The following MDN1 variants were observed in gnomAD, a reference collection of about 807,000 sequenced individuals.
The protein encoded by MDN1 is midasin.
In MDN1, 266 loss-of-function variants were observed where a neutral mutation model predicts 669.2. The observed-to-expected ratio is 0.40, with a 90% CI of 0.36 to 0.44. The LOEUF (loss-of-function observed/expected upper bound fraction) is 0.44. MDN1 is among the 20% of genes least tolerant of loss of function. The pLI, the probability that MDN1 is intolerant of heterozygous loss-of-function variation, is 1.00. For synonymous variants in MDN1, 2,385 were observed against 2,457.1 expected (o/e 0.97, Z 0.87); for missense variants, 5,940 against 6,754.0 (o/e 0.88, Z 4.22).
chr6:89,696,783 T>C (rs1312261104), intron 59 of MDN1, among the ~76,000 whole-genome samples: 1 of 152,114 alleles, frequency 6.6e-6, no homozygotes, highest in African/African-American at 2.4e-5. Flanking sequence ...AATGGATGCT[T>C]TAGTAATGCA....
intron 10 of MDN1, 36 bp from the exon 11 acceptor site, chr6:89,780,329 A>G (rs780409829): frequency 7.2e-7 from 1 of 1,395,412 alleles, no homozygotes; most frequent in Admixed American, 2.2e-5. Context: ...AAACAAAGAA[A>G]AGACCACAGG....
At chr6:89,680,849 C>G in intron 73 of MDN1, 98 bp from the exon 74 acceptor site, 1 of 1,306,696 alleles carries the variant, frequency 7.7e-7, no homozygotes, top group Non-Finnish European at 1.0e-6. Context: ...AAACACATCC[C>G]TAGTTCAGCA....
chr6:89,708,468 A>G (rs1813668223), intron 51 of MDN1, 28 bp downstream of exon 51: 3 of 1,611,332 alleles, frequency 1.9e-6, no homozygotes, highest in African/African-American at 1.3e-5. Context: ...TGAGGCAAAC[A>G]GTGCCCAGAG....
intron 9 of MDN1, among the ~76,000 whole-genome samples, chr6:89,782,834 A>G (rs1029016145): frequency 1.3e-5 from 2 of 152,092 alleles, no homozygotes; most frequent in African/African-American, 4.8e-5. Context: ...GGGACCCCAA[A>G]TGGAGGGACC....
intron 80 of MDN1, among the ~76,000 whole-genome samples, chr6:89,673,012 G>T (rs1810930007): frequency 6.6e-6 from 1 of 152,220 alleles, no homozygotes; most frequent in Admixed American, 6.5e-5. Context: ...ACAGTGAGCT[G>T]ATGCTGCCTT....
chr6:89,761,581 G>T, intron 17 of MDN1, 64 bp downstream of exon 17: 1 of 1,209,642 alleles, frequency 8.3e-7, no homozygotes, highest in Non-Finnish European at 1.2e-6. Flanking sequence ...ATAGTAACCT[G>T]CCTGAAACAT....
chr6:89,776,500 C>T (rs1327201724), intron 12 of MDN1, 100 bp downstream of exon 12: 1 of 825,000 alleles, frequency 1.2e-6, no homozygotes, highest in African/African-American at 1.7e-5. Flanking sequence ...AGAGGTACCA[C>T]TGCAAAAGCT....
Position 89,780,306 on chromosome 6 carries a change from GAAAGA to G in MDN1, c.1644-18_1644-14del. 2 of 1,520,516 alleles carry G rather than the reference GAAAGA, an allele frequency of 1.3e-6. No homozygotes were observed. The highest frequency in any genetic ancestry group is 1.8e-6 in the Non-Finnish European group (2 of 1,129,452). The allele number at this position is 1,520,516 out of a possible 1,614,324, so 94.2% of individuals were successfully genotyped here. A position where few individuals can be genotyped will look rare whatever the true frequency, so the allele number is the denominator to read the frequency against. On this transcript the variant is annotated splice_polypyrimidine_tract_variant and intron_variant, in intron 10 of 101. Transcript: ENST00000369393. ...ATTCAGCAGATCCCTTTAAAAAAAA[GAAAGA>G]AAAGAAAAAACAAAGAAAAGACCAC... is the stretch of plus-strand genomic sequence containing the variant.
chr6:89,770,576 C>T (rs1277266146), intron 15 of MDN1, among the ~76,000 whole-genome samples: 1 of 152,112 alleles, frequency 6.6e-6, no homozygotes, highest in Non-Finnish European at 1.5e-5. Context: ...ACAATCTCGG[C>T]TAACTCCAGC....
In MDN1 at chr6:89,700,130, C is replaced by G; in HGVS notation, c.8803G>C (p.Glu2935Gln). Residue 2935 changes from glutamate to glutamine, a missense_variant, in exon 57 of 102, where the codon GAG becomes CAG. Physicochemically the swap from Glu to Gln is conservative, Grantham distance 29 (BLOSUM62 2). Transcript: ENST00000369393. The stretch of plus-strand genomic sequence containing the variant: ...TACCGCCAAAGCATAGCCAGGTACT[C>G]CATTGCAGGCCACAACTGAACACTC... Reference protein sequence around the residue: ...TRSVQLWPAMEYLAMLWRYKV... With the variant: ...TRSVQLWPAMQYLAMLWRYKV... The G allele has an allele frequency of 6.2e-7, 1 of 1,614,160 alleles. No homozygotes were observed. The highest frequency in any genetic ancestry group is 1.1e-5 in the South Asian group (1 of 91,076).
rs10706907 is a variant in MDN1 at position 89,798,181 on chromosome 6, CAAAAAAAAAAAA to C, written c.330-3392_330-3381del. ...TGGGCGACAGAGCGAGACTCTGTCT[CAAAAAAAAAAAA>C]AAAAAAAAAGAAAGAAAGTCAAGTT... On this transcript the variant is annotated intron_variant, in intron 2 of 101. Coordinates refer to ENST00000369393, the MANE Select transcript of MDN1 (RefSeq NM_014611.3). 8.4e-5 allele frequency among the ~76,000 whole-genome samples: 6 copies of C among 71,512 alleles called. No homozygotes were observed. In the East Asian group the frequency reaches 1.2e-3, roughly 15 times the overall value. 46.9% of individuals were successfully genotyped at this position (71,512 alleles called of 152,430 possible). A position where few individuals can be genotyped will look rare whatever the true frequency, so the allele number is the denominator to read the frequency against.
rs778915684 is a variant in MDN1, at chr6:89,755,893, C to T, written c.2816+384G>A. 7.6e-4 allele frequency among the ~76,000 whole-genome samples: 115 copies of T among 152,198 alleles called. 1 individual carries two copies. The highest frequency in any genetic ancestry group is 1.5e-3 in the Non-Finnish European group (99 of 68,044). On this transcript the variant is annotated intron_variant, in intron 20 of 101. Coordinates refer to ENST00000369393, the MANE Select transcript of MDN1 (RefSeq NM_014611.3). ...CCTGACACAATCAATTATATTAACC[C>T]TTTTCTCCTTACATCCCACATAGCT...
Position 89,690,688 on chromosome 6 carries a change from G to C in MDN1, c.10734C>G (p.Phe3578Leu). The C allele has an allele frequency of 6.2e-7, 1 of 1,614,094 alleles. No individual in the cohort carries two copies. The highest frequency in any genetic ancestry group is 1.7e-5 in the Admixed American group (1 of 60,020). The stretch of plus-strand genomic sequence containing the variant: ...ACTGCTCTACCTTTTCATGCAGGGG[G>C]AACTGTTTTCTGAACTCCCGTTCTT... ...EEEEREFRKQ[F>L]PLHEKDFADI... is the part of the protein sequence containing the mutation. The change falls in exon 64 of 102, where the codon TTC becomes TTG. Residue 3578 changes from phenylalanine (F) to leucine (L), a missense_variant. By Grantham distance (22) the Phe-to-Leu change is conservative. Around this residue, in one of 5 missense-constraint regions of MDN1, gnomAD observed 2,280 missense variants for 2,576.3 expected, o/e 0.88. Coordinates refer to ENST00000369393, the MANE Select transcript of MDN1 (RefSeq NM_014611.3).
At chr6:89,777,471 A>G (rs1050149524) in intron 11 of MDN1, among the ~76,000 whole-genome samples, 2 of 152,210 alleles carry the variant, frequency 1.3e-5, no homozygotes, top group East Asian at 1.9e-4. Context: ...AGCAAGGATG[A>G]TAATAGTCCC....
intron 22 of MDN1, 71 bp from the exon 23 acceptor site, chr6:89,751,653 A>G: frequency 6.7e-7 from 1 of 1,492,812 alleles, no homozygotes; most frequent in Non-Finnish European, 9.1e-7. Flanking sequence ...TAAAGTAGGA[A>G]AACAGCCACT....
chr6:89,752,472 G>T (rs571662153), intron 22 of MDN1, among the ~76,000 whole-genome samples: 1 of 152,244 alleles, frequency 6.6e-6, no homozygotes, highest in Non-Finnish European at 1.5e-5. Flanking sequence ...AGTCCCAAGG[G>T]CTCTCTCTTC....
At chr6:89,705,837 C>T (rs1813477710) in intron 53 of MDN1, among the ~76,000 whole-genome samples, 1 of 151,986 alleles carries the variant, frequency 6.6e-6, no homozygotes, top group African/African-American at 2.4e-5. Flanking sequence ...GTATACATGT[C>T]AAGACTTATA....
At position 89,712,092 on chromosome 6, in the gene MDN1, C is replaced by T; in HGVS notation, c.7595G>A (p.Trp2532Ter). 2 of 1,614,130 alleles carry T rather than the reference C, an allele frequency of 1.2e-6. No individual in the cohort carries two copies. Among genetic ancestry groups the T allele is most frequent in the Non-Finnish European group, 1.7e-6 (2 of 1,179,988 alleles). Residue 2532 changes from tryptophan to a stop codon, truncating the protein, a stop_gained, in exon 49 of 102, where the codon TGG becomes TAG. Transcript: ENST00000369393. LOFTEE classifies it high-confidence loss of function. Reference sequence around the variant, plus strand: ...ATAAAGCCATTTAACTCTGAGCATCCAATCCTGATTGGTTGCTCTTTCTAT... The same window carrying T: ...ATAAAGCCATTTAACTCTGAGCATCTAATCCTGATTGGTTGCTCTTTCTAT... ...LLIERATNQDWMLRVKWLYHL... is the reference protein window; with the variant it reads ...LLIERATNQD
At position 89,688,731 on chromosome 6, in the gene MDN1, C is replaced by T. The variant is rs1351991436; in HGVS notation, c.11101G>A (p.Ala3701Thr). The T allele has an allele frequency of 3.1e-6, 5 of 1,614,192 alleles. No individual in the cohort carries two copies. The South Asian group carries it at 4.4e-5, about 14-fold the overall frequency. ...GGTTTCACCATCAGGTCTGAGGGTG[C>T]CTCCCCAAAAAGAGTGTTATGGGAG... ...TLSHNTLFGE[A>T]PSDLMVKPDG... The change falls in exon 66 of 102, where the codon GCA (alanine) becomes ACA (threonine). Residue 3701 changes from alanine to threonine, a missense_variant. Around this residue, in one of 5 missense-constraint regions of MDN1, gnomAD observed 2,280 missense variants for 2,576.3 expected, o/e 0.88. Transcript: ENST00000369393.
Sources: allele counts gnomAD v4.1 joint callset (sites outside exome capture counted in the v4.1 genomes callset), GRCh38; gene constraint gnomAD v4.1.1; regional missense constraint gnomAD v4.1.1; transcripts MANE v1.5; gene names NCBI Gene and HGNC (gene_info 2026-07-23, HGNC 2026-07-21).